Variants in PCDH15 observed in about 807,000 individuals in gnomAD.
The protein encoded by PCDH15 is protocadherin related 15.
A neutral mutation model predicts 178.5 loss-of-function variants in PCDH15; 129 were observed. That is an observed-to-expected ratio of 0.72 (90% CI 0.63 to 0.84). The LOEUF is 0.84. Ranked by LOEUF, PCDH15 falls within the 40% of genes least tolerant of loss-of-function variation. The pLI, the probability that PCDH15 is intolerant of heterozygous loss-of-function variation, is 0.00. For missense variants in PCDH15, 2,230 were observed against 2,099.9 expected, an observed-to-expected ratio of 1.06 and a Z score of -1.21; for synonymous variants, 800 against 732.0, an observed-to-expected ratio of 1.09 and a Z score of -1.50.
intron 1 of PCDH15, among the ~76,000 whole-genome samples, chr10:54,750,800 T>C (rs1327003632): frequency 2.0e-5 from 3 of 152,118 alleles, no homozygotes; most frequent in Admixed American, 6.5e-5. Context: ...AAACAAAAGA[T>C]TGCTTAACAA....
chr10:55,008,902 A>C (rs1839990230), intron 2 of PCDH15, among the ~76,000 whole-genome samples: 3 of 152,000 alleles, frequency 2.0e-5, no homozygotes. Context: ...AAAAACAAAA[A>C]CAAAAACAAA....
chr10:54,919,095 T>C (rs1471064747), intron 2 of PCDH15, among the ~76,000 whole-genome samples: 1 of 152,192 alleles, frequency 6.6e-6, no homozygotes, highest in Non-Finnish European at 1.5e-5. Flanking sequence ...AGTTGGACTA[T>C]GATAAGTTGG....
At chr10:54,315,630 T>C (rs1050431425) in intron 8 of PCDH15, among the ~76,000 whole-genome samples, 6 of 152,154 alleles carry the variant, frequency 3.9e-5, no homozygotes, top group Admixed American at 3.3e-4. Flanking sequence ...TAGTATTGCC[T>C]AGGTGGTCCT....
intron 3 of PCDH15, among the ~76,000 whole-genome samples, chr10:54,857,228 G>A (rs898691911): frequency 6.6e-6 from 1 of 151,840 alleles, no homozygotes; most frequent in East Asian, 1.9e-4. Flanking sequence ...TCATAAAACC[G>A]GTTTATAGAA....
chr10:54,192,116 A>T (rs7907585), intron 11 of PCDH15, among the ~76,000 whole-genome samples: 67,667 of 140,564 alleles, frequency 0.48, 16,529 homozygotes, highest in East Asian at 0.88. Context: ...AGAAAAAAAA[A>T]AAAGAAAGAA....
chr10:54,728,322 A>T (rs1047204000), intron 1 of PCDH15, among the ~76,000 whole-genome samples: 4 of 151,548 alleles, frequency 2.6e-5, no homozygotes, highest in African/African-American at 9.7e-5. Flanking sequence ...GTATAAACAG[A>T]ACTATAAACC....
At chr10:53,819,295 C>T (rs2076171794) in intron 33 of PCDH15, among the ~76,000 whole-genome samples, 1 of 151,922 alleles carries the variant, frequency 6.6e-6, no homozygotes. Context: ...GCAATGTTTT[C>T]CATCAATGTG....
chr10:54,215,759 C>T (rs375719797), intron 9 of PCDH15, among the ~76,000 whole-genome samples: 14 of 152,072 alleles, frequency 9.2e-5, no homozygotes, highest in Non-Finnish European at 1.9e-4. Flanking sequence ...TATGTCGAGA[C>T]GGCCGGGCGC....
At chr10:53,825,695 A>ATAAT in intron 32 of PCDH15, among the ~76,000 whole-genome samples, 1 of 151,656 alleles carries the variant, frequency 6.6e-6, no homozygotes, top group Admixed American at 6.6e-5. Context: ...AAGATAATTG[A>ATAAT]TAATAATCAT....
chr10:55,228,734 A>AT (rs1386915305), intron 1 of PCDH15, among the ~76,000 whole-genome samples: 1 of 151,972 alleles, frequency 6.6e-6, no homozygotes, highest in Non-Finnish European at 1.5e-5. Context: ...TATATCTGTT[A>AT]TTTTTTAAAT....
intron 8 of PCDH15, among the ~76,000 whole-genome samples, chr10:54,287,958 C>T (rs1390781241): frequency 1.3e-5 from 2 of 152,090 alleles, no homozygotes; most frequent in African/African-American, 4.8e-5. Flanking sequence ...ATTATAGGCA[C>T]TTCACATAAT....
At chr10:54,815,158 A>G (rs538667546) in intron 3 of PCDH15, among the ~76,000 whole-genome samples, 25 of 150,690 alleles carry the variant, frequency 1.7e-4, no homozygotes, top group South Asian at 1.3e-3. Context: ...TTTTTTTTAT[A>G]TTTGTGACAA....
intron 21 of PCDH15, among the ~76,000 whole-genome samples, chr10:53,984,318 T>G (rs1022953555): frequency 1.3e-5 from 2 of 151,716 alleles, no homozygotes; most frequent in African/African-American, 4.8e-5. Context: ...CTCGGCTAAT[T>G]TTTTGTATAT....
chr10:55,231,547 T>C (rs1435554191), intron 1 of PCDH15, among the ~76,000 whole-genome samples: 1 of 152,032 alleles, frequency 6.6e-6, no homozygotes, highest in Non-Finnish European at 1.5e-5. Context: ...GGCAATCTAT[T>C]CCAATGAAAT....
chr10:54,632,449 T>G (rs2093728891), intron 2 of PCDH15, among the ~76,000 whole-genome samples: 1 of 151,934 alleles, frequency 6.6e-6, no homozygotes. Flanking sequence ...AAACATAAAA[T>G]AAAATAAATC....
At chr10:55,292,120 C>CA (rs1843023045) in intron 1 of PCDH15, among the ~76,000 whole-genome samples, 1 of 152,140 alleles carries the variant, frequency 6.6e-6, no homozygotes, top group Non-Finnish European at 1.5e-5. Flanking sequence ...AACAGTCCCC[C>CA]AAAGTCTTAA....
intron 3 of PCDH15, among the ~76,000 whole-genome samples, chr10:54,895,630 G>C (rs1954532207): frequency 1.3e-5 from 2 of 152,050 alleles, no homozygotes. Context: ...ACGCCTAAAA[G>C]AGGCAAGAAA....
chr10:55,018,395 C>G (rs1295937072), intron 2 of PCDH15, among the ~76,000 whole-genome samples: 1 of 152,082 alleles, frequency 6.6e-6, no homozygotes, highest in African/African-American at 2.4e-5. Flanking sequence ...TTGAAATCTT[C>G]TCTAGGTTAT....
intron 14 of PCDH15, among the ~76,000 whole-genome samples, chr10:54,144,796 T>C (rs1297527012): frequency 6.8e-6 from 1 of 147,612 alleles, no homozygotes; most frequent in Non-Finnish European, 1.5e-5. Context: ...AAAAGAGGAT[T>C]TTAAAAATGG....
Sources: gnomAD v4.1 joint callset for allele counts (sites outside exome capture counted in the v4.1 genomes callset) on GRCh38, gnomAD v4.1.1 for gene constraint, MANE v1.5 for transcripts, NCBI Gene and HGNC (gene_info 2026-07-23, HGNC 2026-07-21) for gene names.